Variants in PDK1 observed in about 807,000 individuals in gnomAD.
The protein encoded by PDK1 is [Pyruvate dehydrogenase (acetyl-transferring)] kinase isozyme 1, mitochondrial.
A neutral mutation model predicts 54.2 loss-of-function variants in PDK1; 39 were observed. The observed-to-expected ratio is 0.72, with a 90% confidence interval of 0.56 to 0.94. The LOEUF is 0.94. Ranked by LOEUF, PDK1 falls within the 40% of genes least tolerant of loss-of-function variation. PDK1 has a pLI of 0.00. For synonymous variants in PDK1, 221 were observed against 207.1 expected, an observed-to-expected ratio of 1.07 and a Z score of -0.58; for missense variants, 552 against 566.0, an observed-to-expected ratio of 0.98 and a Z score of 0.25.
chr2:172,602,368 G>A lies in PDK1; in HGVS notation c.*6399G>A, dbSNP rs766221648. 6.6e-6 allele frequency: 1 copy of A among 152,174 alleles called. No individual in the cohort carries two copies. The highest frequency in any genetic ancestry group is 1.5e-5 in the Non-Finnish European group (1 of 68,020). 9.4% of individuals were successfully genotyped at this position (152,174 alleles called of 1,614,324 possible). On this transcript the variant is annotated 3_prime_UTR_variant, in exon 11 of 11. Transcript: ENST00000282077. ...ATTTACCTCTCTACAGATTAAAGGA[G>A]AAAAACTATATGATCACATCAACAG...
At chr2:172,639,689 A>G in the PDK1 span, among the ~76,000 whole-genome samples, 1 of 152,196 alleles carries the variant, frequency 6.6e-6, no homozygotes, top group Non-Finnish European at 1.5e-5. Flanking sequence ...CTTGGTCTGC[A>G]GTGTAACAGT....
the PDK1 span, among the ~76,000 whole-genome samples, chr2:172,713,012 G>C: frequency 2.0e-5 from 3 of 152,208 alleles, no homozygotes; most frequent in Non-Finnish European, 2.9e-5. Context: ...TCAGCAGAGA[G>C]GAGACCTGGT....
chr2:172,668,996 T>C, the PDK1 span, among the ~76,000 whole-genome samples: 2 of 149,352 alleles, frequency 1.3e-5, no homozygotes, highest in Non-Finnish European at 3.0e-5. Context: ...CCTGGCTTAC[T>C]TAACATAATG....
At chr2:172,618,247 ATTCATCT>A in the PDK1 span, among the ~76,000 whole-genome samples, 6 of 152,216 alleles carry the variant, frequency 3.9e-5, no homozygotes, top group Non-Finnish European at 8.8e-5. Flanking sequence ...TGAAGTCATC[ATTCATCT>A]TAAGATATAA....
rs746036068 is a variant in PDK1 at position 172,596,654 on chromosome 2, A to AAAAC, written c.*698_*701dup. Reference sequence around the variant, plus strand: ...AATGCAAGGGGAAATTTTTATACTGAAAACAAACAAACAAACTAGCAGCTA... The same window carrying AAAAC: ...AATGCAAGGGGAAATTTTTATACTGAAAACAAACAAACAAACAAACTAGCAGCTA... On this transcript the variant is annotated 3_prime_UTR_variant, in exon 11 of 11. Coordinates refer to ENST00000282077, the MANE Select transcript of PDK1 (RefSeq NM_002610.5). 1.3e-5 allele frequency: 2 copies of AAAAC among 152,354 alleles called. No homozygotes were observed. The highest frequency in any genetic ancestry group is 1.9e-4 in the East Asian group (1 of 5,186). 9.4% of individuals were successfully genotyped at this position (152,354 alleles called of 1,614,324 possible). A position where few individuals can be genotyped will look rare whatever the true frequency, so the allele number is the denominator to read the frequency against.
chr2:172,640,665 G>A, the PDK1 span, among the ~76,000 whole-genome samples: 1 of 152,192 alleles, frequency 6.6e-6, no homozygotes, highest in Non-Finnish European at 1.5e-5. Context: ...CCACAATGAG[G>A]CAATAGTCTT....
At chr2:172,653,250 T>G in the PDK1 span, among the ~76,000 whole-genome samples, 21 of 152,246 alleles carry the variant, frequency 1.4e-4, no homozygotes, top group South Asian at 2.1e-4. Context: ...AATGGTGCTG[T>G]GAAAACTGGC....
chr2:172,707,032 A>G, the PDK1 span, among the ~76,000 whole-genome samples: 1 of 152,068 alleles, frequency 6.6e-6, no homozygotes, highest in Non-Finnish European at 1.5e-5. Flanking sequence ...CATTGACACC[A>G]TGGGGGTGGG....
chr2:172,703,027 C>T, the PDK1 span, among the ~76,000 whole-genome samples: 11 of 152,054 alleles, frequency 7.2e-5, no homozygotes, highest in African/African-American at 2.7e-4. Flanking sequence ...AATCAAGGAG[C>T]CTGAGATGGG....
the PDK1 span, among the ~76,000 whole-genome samples, chr2:172,694,133 T>C: frequency 6.6e-6 from 1 of 152,188 alleles, no homozygotes; most frequent in Non-Finnish European, 1.5e-5. Flanking sequence ...TTCTCTTTCC[T>C]CACCCTTCAC....
chr2:172,709,866 C>T, the PDK1 span, among the ~76,000 whole-genome samples: 1 of 152,064 alleles, frequency 6.6e-6, no homozygotes, highest in Non-Finnish European at 1.5e-5. Context: ...GTAGTATGGT[C>T]TTCTTATCGC....
the PDK1 span, among the ~76,000 whole-genome samples, chr2:172,631,106 A>G: frequency 2.0e-5 from 3 of 152,372 alleles, no homozygotes; most frequent in African/African-American, 7.2e-5. Flanking sequence ...TCTATATACA[A>G]TGAGCCAATT....
chr2:172,585,885 G>A (rs1160819686), intron 8 of PDK1, among the ~76,000 whole-genome samples: 1 of 152,116 alleles, frequency 6.6e-6, no homozygotes, highest in African/African-American at 2.4e-5. Flanking sequence ...CAGCACTCAG[G>A]CTGGGTGCGG....
the PDK1 span, among the ~76,000 whole-genome samples, chr2:172,634,436 C>A: frequency 6.6e-6 from 1 of 151,656 alleles, no homozygotes; most frequent in Non-Finnish European, 1.5e-5. Flanking sequence ...TCATGCCTAG[C>A]TAATTTTTGT....
At chr2:172,710,758 C>T in the PDK1 span, among the ~76,000 whole-genome samples, 1 of 152,202 alleles carries the variant, frequency 6.6e-6, no homozygotes, top group Non-Finnish European at 1.5e-5. Context: ...TAGTTCTCAA[C>T]CTTTTATTCT....
At chr2:172,619,024 C>T in the PDK1 span, among the ~76,000 whole-genome samples, 2 of 152,132 alleles carry the variant, frequency 1.3e-5, no homozygotes, top group Non-Finnish European at 2.9e-5. Flanking sequence ...CTGCAGTATC[C>T]GCTGTAAGAA....
the PDK1 span, among the ~76,000 whole-genome samples, chr2:172,656,441 G>T: frequency 1.1e-4 from 16 of 152,216 alleles, no homozygotes; most frequent in South Asian, 3.1e-3. Context: ...TGCTTCTCAG[G>T]TCTCCCCCAT....
At chr2:172,684,974 G>A in the PDK1 span, among the ~76,000 whole-genome samples, 3 of 152,168 alleles carry the variant, frequency 2.0e-5, no homozygotes, top group East Asian at 1.9e-4. Context: ...TCTTGTGATA[G>A]TGAATGAGTT....
At chr2:172,653,788 C>G in the PDK1 span, among the ~76,000 whole-genome samples, 1 of 152,076 alleles carries the variant, frequency 6.6e-6, no homozygotes, top group Non-Finnish European at 1.5e-5. Flanking sequence ...TCTAATTAAA[C>G]TAAAGAGCTT....
Sources: allele counts gnomAD v4.1 joint callset (sites outside exome capture counted in the v4.1 genomes callset), GRCh38; gene constraint gnomAD v4.1.1; transcripts MANE v1.5; gene names NCBI Gene and HGNC (gene_info 2026-07-23, HGNC 2026-07-21).